The following ZNF407 variants were observed in gnomAD, a reference collection of about 807,000 sequenced individuals.
ZNF407 encodes the protein zinc finger protein 407.
ZNF407 carries 17 observed loss-of-function variants against 131.2 expected under a neutral mutation model. The ratio of observed to expected loss-of-function variants is 0.13; its 90% CI spans 0.09 to 0.19. The LOEUF (loss-of-function observed/expected upper bound fraction) is 0.19. ZNF407 is among the 10% of genes least tolerant of loss of function. ZNF407 has a pLI of 1.00. For missense variants in ZNF407, 2,681 were observed against 2,830.6 expected, an observed-to-expected ratio of 0.95 and a Z score of 1.20; for synonymous variants, 1,156 against 1,062.0, an observed-to-expected ratio of 1.09 and a Z score of -1.72.
In ZNF407 at chr18:74,632,656, A is replaced by G. The variant is rs1252535405; in HGVS notation, c.1637A>G (p.His546Arg). ...VATNRTDLEI[H>R]VKRCHAREMK... Reference sequence around the variant, plus strand: ...ACAAATAGGACAGATTTGGAAATCCATGTGAAAAGGTGCCATGCCAGAGAG... The same window carrying G: ...ACAAATAGGACAGATTTGGAAATCCGTGTGAAAAGGTGCCATGCCAGAGAG... The change falls in exon 2 of 9, where the codon CAT becomes CGT. Residue 546 changes from histidine (H) to arginine (R), a missense_variant. This residue lies in a region of ZNF407 where 1,789 missense variants were observed against 1,748.7 expected (regional missense o/e 1.02). Transcript: ENST00000299687. 14 of 1,614,072 alleles carry G rather than the reference A, an allele frequency of 8.7e-6. No homozygotes were observed. The highest frequency in any genetic ancestry group is 1.1e-5 in the Non-Finnish European group (13 of 1,179,904).
intron 4 of ZNF407, among the ~76,000 whole-genome samples, chr18:74,794,572 A>T (rs1020871329): frequency 6.6e-6 from 1 of 152,200 alleles, no homozygotes; most frequent in African/African-American, 2.4e-5. Context: ...AGAATAATAT[A>T]GAATCATGCA....
At chr18:74,978,177 CAG>C (rs764396441) in intron 8 of ZNF407, among the ~76,000 whole-genome samples, 21 of 152,158 alleles carry the variant, frequency 1.4e-4, no homozygotes, top group African/African-American at 2.7e-4. Flanking sequence ...TTTGGTGAAA[CAG>C]GGGTATGGAA....
At chr18:74,617,540 C>A (rs1472018224) in intron 1 of ZNF407, among the ~76,000 whole-genome samples, 2 of 152,168 alleles carry the variant, frequency 1.3e-5, no homozygotes, top group African/African-American at 4.8e-5. Context: ...CTGCAGTTCC[C>A]TCCACCTTTT....
intron 3 of ZNF407, among the ~76,000 whole-genome samples, chr18:74,721,889 A>G (rs751195497): frequency 2.0e-5 from 3 of 151,962 alleles, no homozygotes; most frequent in Non-Finnish European, 4.4e-5. Flanking sequence ...GTTTTGCTGG[A>G]TGGAGAGTTC....
At chr18:74,751,311 T>C (rs929836468) in intron 3 of ZNF407, among the ~76,000 whole-genome samples, 1 of 152,300 alleles carries the variant, frequency 6.6e-6, no homozygotes, top group South Asian at 2.1e-4. Context: ...ATTTTATTCT[T>C]TTCTAATGTG....
chr18:74,801,301 A>G (rs1261330181), intron 4 of ZNF407, among the ~76,000 whole-genome samples: 1 of 152,182 alleles, frequency 6.6e-6, no homozygotes, highest in Non-Finnish European at 1.5e-5. Flanking sequence ...AAATCAGTAT[A>G]TATGAGATTA....
intron 4 of ZNF407, among the ~76,000 whole-genome samples, chr18:74,785,801 C>A (rs1198916728): frequency 2.0e-5 from 3 of 151,438 alleles, no homozygotes; most frequent in Non-Finnish European, 4.4e-5. Flanking sequence ...CCACATGGCA[C>A]ACACAGCATG....
chr18:74,953,416 C>T (rs1972238848), intron 8 of ZNF407, among the ~76,000 whole-genome samples: 1 of 152,198 alleles, frequency 6.6e-6, no homozygotes, highest in South Asian at 2.1e-4. Context: ...TGGCTTTGTA[C>T]ATCTGCCGTG....
At chr18:74,655,135 A>C (rs1212963886) in intron 3 of ZNF407, among the ~76,000 whole-genome samples, 2 of 152,006 alleles carry the variant, frequency 1.3e-5, no homozygotes, top group Non-Finnish European at 2.9e-5. Context: ...CTGTGTAGAA[A>C]ATGCATTATT....
At chr18:74,765,573 G>T (rs1272147135) in intron 3 of ZNF407, among the ~76,000 whole-genome samples, 2 of 152,200 alleles carry the variant, frequency 1.3e-5, no homozygotes, top group Admixed American at 6.5e-5. Context: ...TGGCTGATGG[G>T]AGCCTGTGTG....
intron 8 of ZNF407, among the ~76,000 whole-genome samples, chr18:75,032,864 G>A (rs1973259293): frequency 7.0e-6 from 1 of 143,144 alleles, no homozygotes; most frequent in African/African-American, 2.7e-5. Flanking sequence ...GGGGAAGATA[G>A]TATTAGATAA....
chr18:75,060,422 C>T (rs551377311), intron 8 of ZNF407: 1 of 152,282 alleles, frequency 6.6e-6, no homozygotes, highest in South Asian at 2.1e-4. Context: ...TTTCCGTGGA[C>T]GCAGAGCGAG....
intron 8 of ZNF407, among the ~76,000 whole-genome samples, chr18:74,977,781 A>T (rs907392797): frequency 1.3e-5 from 2 of 152,196 alleles, no homozygotes; most frequent in South Asian, 2.1e-4. Flanking sequence ...TATGACTCGG[A>T]GTAAGTTACT....
intron 3 of ZNF407, among the ~76,000 whole-genome samples, chr18:74,688,947 GTC>G (rs1967158241): frequency 6.6e-6 from 1 of 152,104 alleles, no homozygotes; most frequent in South Asian, 2.1e-4. Context: ...TCCTGCCTCA[GTC>G]TTCTGAGTAG....
intron 1 of ZNF407, among the ~76,000 whole-genome samples, chr18:74,630,256 C>T (rs777890275): frequency 1.9e-4 from 29 of 151,238 alleles, no homozygotes; most frequent in Non-Finnish European, 4.3e-4. Context: ...CTGCAAGCTC[C>T]GCCTCCCGGG....
At chr18:74,723,347 A>C (rs950835946) in intron 3 of ZNF407, among the ~76,000 whole-genome samples, 1 of 152,156 alleles carries the variant, frequency 6.6e-6, no homozygotes, top group African/African-American at 2.4e-5. Flanking sequence ...TGCTATGTAG[A>C]ATACATTTGT....
Position 74,634,516 on chromosome 18 carries a change from A to C in ZNF407, c.3497A>C (p.Glu1166Ala). Reference sequence around the variant, plus strand: ...TTCAATGAAGACCATTCCTTTTGTGAGACTTTCCAACAGGCTCCTGTCAAG... The same window carrying C: ...TTCAATGAAGACCATTCCTTTTGTGCGACTTTCCAACAGGCTCCTGTCAAG... ...SNFNEDHSFCETFQQAPVKDK... is the reference protein window; with the variant it reads ...SNFNEDHSFCATFQQAPVKDK... The change falls in exon 2 of 9, where the codon GAG (glutamate) becomes GCG (alanine). Residue 1166 changes from glutamate to alanine, a missense_variant. Glu to Ala is a moderately radical substitution (Grantham distance 107). Coordinates refer to ENST00000299687, the MANE Select transcript of ZNF407 (RefSeq NM_017757.3). 1 of 1,613,864 alleles carries C rather than the reference A, an allele frequency of 6.2e-7. No individual in the cohort carries two copies. Among genetic ancestry groups the C allele is most frequent in the Non-Finnish European group, 8.5e-7 (1 of 1,179,888 alleles).
At chr18:74,653,240 T>C (rs946022542) in intron 3 of ZNF407, among the ~76,000 whole-genome samples, 9 of 151,912 alleles carry the variant, frequency 5.9e-5, no homozygotes, top group Non-Finnish European at 8.8e-5. Context: ...TCTGTTTGGC[T>C]ATTGTAGATT....
chr18:74,656,376 T>A (rs1402042433), intron 3 of ZNF407, among the ~76,000 whole-genome samples: 3 of 152,128 alleles, frequency 2.0e-5, no homozygotes, highest in Non-Finnish European at 1.5e-5. Flanking sequence ...TACATACATT[T>A]ATACACATTA....
Sources: allele counts gnomAD v4.1 joint callset (sites outside exome capture counted in the v4.1 genomes callset), GRCh38; gene constraint gnomAD v4.1.1; regional missense constraint gnomAD v4.1.1; transcripts MANE v1.5; gene names NCBI Gene and HGNC (gene_info 2026-07-23, HGNC 2026-07-21).